The following SLC30A5 variants were observed in gnomAD, a reference collection of about 807,000 sequenced individuals.
SLC30A5 encodes proton-coupled zinc antiporter SLC30A5.
A neutral mutation model predicts 79.6 loss-of-function variants in SLC30A5; 33 were observed. That is an observed-to-expected ratio of 0.41 (90% CI 0.31 to 0.55). The LOEUF is 0.55. SLC30A5 is among the 20% of genes least tolerant of loss of function. The pLI is 0.20. For missense variants in SLC30A5, 788 were observed against 928.1 expected (o/e 0.85, Z 1.96); for synonymous variants, 299 against 319.7 (o/e 0.94, Z 0.69).
At chr5:69,122,468 A>G (rs1746562427) in intron 13 of SLC30A5, among the ~76,000 whole-genome samples, 1 of 152,186 alleles carries the variant, frequency 6.6e-6, no homozygotes, top group African/African-American at 2.4e-5. Context: ...AGTCTCTCCA[A>G]CATGGTGAAA....
At position 69,128,034 on chromosome 5, in the gene SLC30A5, C is replaced by T. The variant is rs757206810; in HGVS notation, c.2029C>T (p.Arg677Ter). ...IQKIEGLISY[R>*]DPHFWRHSAS... is the part of the protein sequence containing the mutation. ...GAAAATTGAAGGATTAATATCATACCGAGACCCTCATTTTTGGCGTCATTC... is the reference window on the plus strand; with the variant it reads ...GAAAATTGAAGGATTAATATCATACTGAGACCCTCATTTTTGGCGTCATTC... Residue 677 changes from arginine to a stop codon, truncating the protein, a stop_gained, in exon 15 of 16, where the codon CGA becomes TGA. Coordinates refer to ENST00000396591, the MANE Select transcript of SLC30A5 (RefSeq NM_022902.5). LOFTEE classifies it high-confidence loss of function. 6.2e-7 allele frequency: 1 copy of T among 1,610,870 alleles called. No homozygotes were observed. Among genetic ancestry groups the T allele is most frequent in the Non-Finnish European group, 8.5e-7 (1 of 1,177,896 alleles).
chr5:69,094,207 T>C lies in SLC30A5; in HGVS notation c.-49T>C. 1 of 981,708 alleles carries C rather than the reference T, an allele frequency of 1.0e-6. No individual in the cohort carries two copies. The highest frequency in any genetic ancestry group is 1.3e-6 in the Non-Finnish European group (1 of 743,226). 60.8% of individuals were successfully genotyped at this position (981,708 alleles called of 1,614,324 possible). ...GCTGTTCCGCGGCAGCGGCGAGACA[T>C]GAGGAGACCCCGCGACAGGGGCAGC... On this transcript the variant is annotated 5_prime_UTR_variant, in exon 1 of 16. The change abolishes an upstream ATG in the 5' untranslated region. Transcript: ENST00000396591.
At chr5:69,124,527 T>C (rs892323242) in intron 14 of SLC30A5, among the ~76,000 whole-genome samples, 21 of 152,270 alleles carry the variant, frequency 1.4e-4, no homozygotes, top group Middle Eastern at 3.4e-3. Context: ...TTCCAGTGGA[T>C]TAAATATGTA....
intron 14 of SLC30A5, among the ~76,000 whole-genome samples, chr5:69,127,244 G>A (rs551877867): frequency 1.3e-5 from 2 of 152,216 alleles, no homozygotes; most frequent in South Asian, 4.1e-4. Context: ...TTCATTGAAT[G>A]TGTCTAGGTC....
At chr5:69,108,972 A>C (rs539213018) in intron 5 of SLC30A5, among the ~76,000 whole-genome samples, 138 of 152,248 alleles carry the variant, frequency 9.1e-4, no homozygotes, top group African/African-American at 3.2e-3. Context: ...CTTAACATGG[A>C]AACAGTGGAA....
Position 69,130,048 on chromosome 5 carries a change from T to C in SLC30A5, c.*431T>C, listed in dbSNP as rs1292932200. 1 of 152,306 alleles carries C rather than the reference T, an allele frequency of 6.6e-6. No individual in the cohort carries two copies. Among genetic ancestry groups the C allele is most frequent in the Non-Finnish European group, 1.5e-5 (1 of 68,124 alleles). 9.4% of individuals were successfully genotyped at this position (152,306 alleles called of 1,614,324 possible). On this transcript the variant is annotated 3_prime_UTR_variant, in exon 16 of 16. Coordinates refer to ENST00000396591, the MANE Select transcript of SLC30A5 (RefSeq NM_022902.5). Reference sequence around the variant, plus strand: ...AAAATAGGAATAAAAGTTCTATATTTATGGATTTTCTGTATATAAAACTGG... The same window carrying C: ...AAAATAGGAATAAAAGTTCTATATTCATGGATTTTCTGTATATAAAACTGG...
At position 69,130,918 on chromosome 5, in the gene SLC30A5, A is replaced by T. The variant is rs544788080; in HGVS notation, c.*1301A>T. 1 of 152,244 alleles carries T rather than the reference A, an allele frequency of 6.6e-6. No individual in the cohort carries two copies. Among genetic ancestry groups the T allele is most frequent in the South Asian group, 2.1e-4 (1 of 4,826 alleles). The allele number at this position is 152,244 out of a possible 1,614,324, so 9.4% of individuals were successfully genotyped here. A position where few individuals can be genotyped will look rare whatever the true frequency, so the allele number is the denominator to read the frequency against. ...TTTCTTATATATACCACAATGGCAA[A>T]CATGTATTATAAATCATATTTTTGT... On this transcript the variant is annotated 3_prime_UTR_variant, in exon 16 of 16. Transcript: ENST00000396591.
Position 69,129,668 on chromosome 5 carries a change from C to T in SLC30A5, c.*51C>T, listed in dbSNP as rs1746800321. On this transcript the variant is annotated 3_prime_UTR_variant, in exon 16 of 16. Coordinates refer to ENST00000396591, the MANE Select transcript of SLC30A5 (RefSeq NM_022902.5). ...AATAAACAATGAAGATTAAATGACT[C>T]AGTATTTGTAATATTGCCAGAAGGA... The T allele has an allele frequency of 1.3e-6, 2 of 1,503,076 alleles. No individual in the cohort carries two copies. The highest frequency in any genetic ancestry group is 1.8e-6 in the Non-Finnish European group (2 of 1,111,016). 93.1% of individuals were successfully genotyped at this position (1,503,076 alleles called of 1,614,324 possible). A position where few individuals can be genotyped will look rare whatever the true frequency, so the allele number is the denominator to read the frequency against.
chr5:69,095,825 C>T (rs1346239736), intron 1 of SLC30A5, among the ~76,000 whole-genome samples: 1 of 151,414 alleles, frequency 6.6e-6, no homozygotes, highest in Non-Finnish European at 1.5e-5. Context: ...TTTGGGAGGC[C>T]AAGGCAGGTG....
chr5:69,112,020 C>T (rs1746246230), intron 5 of SLC30A5, among the ~76,000 whole-genome samples: 1 of 152,022 alleles, frequency 6.6e-6, no homozygotes, highest in Non-Finnish European at 1.5e-5. Flanking sequence ...TGCTGTTTAG[C>T]CAGGCACAGT....
intron 14 of SLC30A5, among the ~76,000 whole-genome samples, chr5:69,125,126 C>T (rs1746639672): frequency 6.6e-6 from 1 of 152,180 alleles, no homozygotes; most frequent in Admixed American, 6.5e-5. Flanking sequence ...CATGGTGGCT[C>T]ATGCCTGTAA....
chr5:69,099,853 C>T (rs896892459), intron 1 of SLC30A5, among the ~76,000 whole-genome samples: 4 of 152,130 alleles, frequency 2.6e-5, no homozygotes, highest in Admixed American at 6.5e-5. Context: ...TCCAGCAACT[C>T]GATCAACAAA....
At chr5:69,123,127 T>C (rs1198685573) in intron 13 of SLC30A5, 72 bp from the exon 14 acceptor site, 2 of 987,262 alleles carry the variant, frequency 2.0e-6, no homozygotes, top group Non-Finnish European at 3.0e-6. Flanking sequence ...TCCAGTAATA[T>C]TAGTAGAATG....
At chr5:69,114,942 T>C (rs1343711663) in intron 7 of SLC30A5, among the ~76,000 whole-genome samples, 1 of 152,092 alleles carries the variant, frequency 6.6e-6, no homozygotes, top group African/African-American at 2.4e-5. Flanking sequence ...ATTGAGTATA[T>C]GGGAAAAATA....
rs1746726930 is a variant in SLC30A5 at position 69,127,403 on chromosome 5, T to C, written c.1999-601T>C. On this transcript the variant is annotated intron_variant, in intron 14 of 15. Coordinates refer to ENST00000396591, the MANE Select transcript of SLC30A5 (RefSeq NM_022902.5). The stretch of plus-strand genomic sequence containing the variant: ...TAGCACTTCGGGAGGCTGAGGTGGG[T>C]GGATTGCCTGAACTCAGGAGTTCGA... 1.1e-4 allele frequency among the ~76,000 whole-genome samples: 17 copies of C among 148,194 alleles called. No homozygotes were observed. The South Asian group carries it at 3.4e-3, about 30-fold the overall frequency.
chr5:69,120,974 A>C (rs1380081141), intron 12 of SLC30A5, among the ~76,000 whole-genome samples: 1 of 152,138 alleles, frequency 6.6e-6, no homozygotes, highest in Non-Finnish European at 1.5e-5. Context: ...CATTAAATTA[A>C]AGTAATTTCA....
At chr5:69,108,668 A>G (rs935299555) in intron 5 of SLC30A5, among the ~76,000 whole-genome samples, 4 of 152,058 alleles carry the variant, frequency 2.6e-5, no homozygotes, top group African/African-American at 4.8e-5. Context: ...CTAAAAATAC[A>G]AAAATTAGCT....
intron 1 of SLC30A5, among the ~76,000 whole-genome samples, chr5:69,097,547 A>C (rs191464952): frequency 6.6e-6 from 1 of 152,290 alleles, no homozygotes; most frequent in African/African-American, 2.4e-5. Context: ...GGCTCACTGC[A>C]ATCTCAAACT....
At chr5:69,119,746 G>A (rs527737814) in intron 12 of SLC30A5, among the ~76,000 whole-genome samples, 2 of 152,220 alleles carry the variant, frequency 1.3e-5, no homozygotes, top group Admixed American at 1.3e-4. Context: ...CTGGCCGGGT[G>A]CAGTGGCTCA....
Sources: gnomAD v4.1 joint callset for allele counts (sites outside exome capture counted in the v4.1 genomes callset) on GRCh38, gnomAD v4.1.1 for gene constraint, MANE v1.5 for transcripts, NCBI Gene and HGNC (gene_info 2026-07-23, HGNC 2026-07-21) for gene names.